The following C19orf38 variants were observed in gnomAD, a reference collection of about 807,000 sequenced individuals.
C19orf38 encodes the protein protein HIDE1.
In C19orf38, 14 loss-of-function variants were observed where a neutral mutation model predicts 26.6. That is an observed-to-expected ratio of 0.53 (90% CI 0.35 to 0.82). The LOEUF (loss-of-function observed/expected upper bound fraction) is 0.82. Among genes scored for constraint, C19orf38 ranks in the 40% least tolerant of loss-of-function variants. The pLI, the probability that C19orf38 is intolerant of heterozygous loss-of-function variation, is 0.01. For synonymous variants in C19orf38, 132 were observed against 128.5 expected (o/e 1.03, Z -0.18); for missense variants, 261 against 299.5 (o/e 0.87, Z 0.95).
Position 10,856,309 on chromosome 19 carries a change from C to T in C19orf38, c.385C>T (p.Leu129Phe), listed in dbSNP as rs1324473909. The change falls in exon 3 of 7, where the codon CTC (leucine) becomes TTC (phenylalanine). Residue 129 changes from leucine (L) to phenylalanine (F), a missense_variant. By Grantham distance (22) the Leu-to-Phe change is conservative. Transcript: ENST00000397820. Reference sequence around the variant, plus strand: ...GCTCTCCCTGAGCCTGGCTGGTGCCCTCTTCCTCCTTGCTGGGCTGGTGGC... The same window carrying T: ...GCTCTCCCTGAGCCTGGCTGGTGCCTTCTTCCTCCTTGCTGGGCTGGTGGC... ...LVLSLSLAGALFLLAGLVAVA... is the reference protein window; with the variant it reads ...LVLSLSLAGAFFLLAGLVAVA... 7 of 1,551,352 alleles carry T rather than the reference C, an allele frequency of 4.5e-6. No homozygotes were observed. Among genetic ancestry groups the T allele is most frequent in the Non-Finnish European group, 4.4e-6 (5 of 1,146,728 alleles).
At chr19:10,856,431 A>G (rs1304927684) in intron 3 of C19orf38, 74 bp downstream of exon 3, 3 of 1,178,974 alleles carry the variant, frequency 2.5e-6, no homozygotes, top group Non-Finnish European at 3.7e-6. Flanking sequence ...GCTTACACTC[A>G]CAACTCACAC....
chr19:10,841,710 C>G, intron 1 of C19orf38: 1 of 620,950 alleles, frequency 1.6e-6, no homozygotes, highest in Non-Finnish European at 2.8e-6. Flanking sequence ...GAGTGGCTCA[C>G]GCCTGTAATC....
intron 1 of C19orf38, among the ~76,000 whole-genome samples, chr19:10,838,017 C>T (rs1018764585): frequency 2.6e-5 from 4 of 152,122 alleles, no homozygotes; most frequent in Non-Finnish European, 5.9e-5. Flanking sequence ...GTTTCAAACT[C>T]CTGGGCTCAA....
At chr19:10,857,367 T>TATATATATATATATATATATATA (rs1491341895) in intron 3 of C19orf38, among the ~76,000 whole-genome samples, 3 of 43,344 alleles carry the variant, frequency 6.9e-5, no homozygotes, top group African/African-American at 4.8e-4. Context: ...TATATATATA[T>TATATATATATATATATATATATA]TTTTTTTTTT....
At chr19:10,857,366 A>ATATATATATATATT (rs1433358051) in intron 3 of C19orf38, among the ~76,000 whole-genome samples, 32 of 56,082 alleles carry the variant, frequency 5.7e-4, no homozygotes, top group Non-Finnish European at 7.1e-4. Flanking sequence ...ATATATATAT[A>ATATATATATATATT]TTTTTTTTTT....
intron 4 of C19orf38, among the ~76,000 whole-genome samples, chr19:10,859,699 G>GA (rs1232870749): frequency 6.6e-6 from 1 of 151,876 alleles, no homozygotes; most frequent in Non-Finnish European, 1.5e-5. Flanking sequence ...GAATTTCCAT[G>GA]TTTTTTTCTT....
Position 10,848,551 on chromosome 19 carries a change from G to GCCCCC in C19orf38, c.31+14_31+18dup. 2 of 1,550,820 alleles carry GCCCCC rather than the reference G, an allele frequency of 1.3e-6. No homozygotes were observed. Among genetic ancestry groups the GCCCCC allele is most frequent in the Non-Finnish European group, 1.7e-6 (2 of 1,146,480 alleles). ...GCTCTTTGCAGCTGGTGAGTCTGAAGCCCCCCTCTCAGATCCCCCACGCCT... is the reference window on the plus strand; with the variant it reads ...GCTCTTTGCAGCTGGTGAGTCTGAAGCCCCCCCCCCCTCTCAGATCCCCCACGCCT... On this transcript the variant is annotated intron_variant, in intron 1 of 6. Coordinates refer to ENST00000397820, the MANE Select transcript of C19orf38 (RefSeq NM_001136482.3).
chr19:10,849,670 C>CA (rs1233815299), intron 1 of C19orf38, among the ~76,000 whole-genome samples: 1 of 151,884 alleles, frequency 6.6e-6, no homozygotes, highest in Non-Finnish European at 1.5e-5. Flanking sequence ...GCCTGGGCGA[C>CA]AAAGCAAGAT....
Position 10,869,478 on chromosome 19 carries a change from A to G in C19orf38, c.*111A>G, listed in dbSNP as rs1049188693. The G allele has an allele frequency of 7.3e-7, 1 of 1,366,236 alleles. No individual in the cohort carries two copies. Among genetic ancestry groups the G allele is most frequent in the Non-Finnish European group, 9.7e-7 (1 of 1,033,286 alleles). 84.6% of individuals were successfully genotyped at this position (1,366,236 alleles called of 1,614,324 possible). On this transcript the variant is annotated 3_prime_UTR_variant, in exon 7 of 7. Transcript: ENST00000397820. ...ACTTTCTCAGGGAATTGGACAGAGG[A>G]AAGGAAGGGGAACCCTGGCCTTGGG...
upstream of C19orf38, among the ~76,000 whole-genome samples, chr19:10,847,721 A>G (rs1156771795): frequency 1.3e-5 from 2 of 152,044 alleles, no homozygotes; most frequent in Non-Finnish European, 2.9e-5. Flanking sequence ...TGAAGCCTCA[A>G]AGGAGGTAAG....
rs192149883 is a variant in C19orf38 at position 10,848,815 on chromosome 19, G to A, written c.31+276G>A. 2.7e-3 allele frequency among the ~76,000 whole-genome samples: 412 copies of A among 152,008 alleles called. 10 individuals carry two copies. Among genetic ancestry groups the A allele is most frequent in the Admixed American group, 0.022 (340 of 15,264 alleles). Reference sequence around the variant, plus strand: ...TGCCCACACCCCATGATTCAGCCCCGCTTCGTCTCTGAAGGCTCCTTGAGT... The same window carrying A: ...TGCCCACACCCCATGATTCAGCCCCACTTCGTCTCTGAAGGCTCCTTGAGT... On this transcript the variant is annotated intron_variant, in intron 1 of 6. Coordinates refer to ENST00000397820, the MANE Select transcript of C19orf38 (RefSeq NM_001136482.3).
At chr19:10,843,570 C>A (rs2073494243), upstream of C19orf38, among the ~76,000 whole-genome samples, 1 of 152,150 alleles carries the variant, frequency 6.6e-6, no homozygotes, top group African/African-American at 2.4e-5. Flanking sequence ...ATGTCTCTGG[C>A]ACAATTCTGG....
chr19:10,850,218 C>A, intron 1 of C19orf38, 41 bp from the exon 2 acceptor site: 1 of 1,500,740 alleles, frequency 6.7e-7, no homozygotes, highest in Non-Finnish European at 8.9e-7. Context: ...GCAGCCTCCA[C>A]TCTCACCACG....
intron 4 of C19orf38, among the ~76,000 whole-genome samples, chr19:10,859,274 G>GTA (rs1568337383): frequency 7.7e-6 from 1 of 130,136 alleles, no homozygotes; most frequent in East Asian, 2.3e-4. Flanking sequence ...GTGTGTGTGT[G>GTA]TGTGTATGTG....
rs1292793902 is a variant in C19orf38 at position 10,858,318 on chromosome 19, A to G, written c.436A>G (p.Lys146Glu). 2.6e-6 allele frequency: 4 copies of G among 1,546,908 alleles called. No individual in the cohort carries two copies. The East Asian group carries it at 9.8e-5, about 38-fold the overall frequency. ...TGCTCATTTCTTTTTTGTTCCAGTT[A>G]AACTCAGAAATTTACAGAAGAAAAG... ...VAVALVVRKVKLRNLQKKRDR... is the reference protein window; with the variant it reads ...VAVALVVRKVELRNLQKKRDR... Residue 146 changes from lysine (K) to glutamate (E), a missense_variant and splice_region_variant, in exon 4 of 7, where the codon AAA (lysine) becomes GAA (glutamate). Transcript: ENST00000397820.
intron 6 of C19orf38, among the ~76,000 whole-genome samples, chr19:10,866,633 A>G (rs577705740): frequency 2.0e-5 from 3 of 151,140 alleles, no homozygotes; most frequent in Non-Finnish European, 4.4e-5. Context: ...TTACAGGCAC[A>G]TGCCACCGCG....
intron 6 of C19orf38, among the ~76,000 whole-genome samples, chr19:10,865,646 T>C (rs2146278558): frequency 6.6e-6 from 1 of 151,850 alleles, no homozygotes; most frequent in East Asian, 2.0e-4. Context: ...AAACAAAAAA[T>C]TTCCGTATGA....
At chr19:10,843,751 G>T (rs2081423241), upstream of C19orf38, among the ~76,000 whole-genome samples, 1 of 152,160 alleles carries the variant, frequency 6.6e-6, no homozygotes, top group African/African-American at 2.4e-5. Flanking sequence ...AAGCATGGTG[G>T]GAGACACGGG....
chr19:10,857,123 G>A (rs2146262349), intron 3 of C19orf38, among the ~76,000 whole-genome samples: 1 of 151,012 alleles, frequency 6.6e-6, no homozygotes, highest in South Asian at 2.1e-4. Context: ...TTTTTGTTGA[G>A]ATAGGGTCTT....
Sources: allele counts gnomAD v4.1 joint callset (sites outside exome capture counted in the v4.1 genomes callset), GRCh38; gene constraint gnomAD v4.1.1; transcripts MANE v1.5; gene names NCBI Gene and HGNC (gene_info 2026-07-23, HGNC 2026-07-21).